The following CCDC14 variants were observed in gnomAD, a reference collection of about 807,000 sequenced individuals.
CCDC14 encodes the protein coiled-coil domain-containing protein 14.
A neutral mutation model predicts 81.4 loss-of-function variants in CCDC14; 71 were observed. The observed-to-expected ratio is 0.87, with a 90% CI of 0.72 to 1.06. The LOEUF is 1.06. Among genes scored for constraint, CCDC14 ranks in the 50% least tolerant of loss-of-function variants. The pLI is 0.00. For synonymous variants in CCDC14, 332 were observed against 364.8 expected, an observed-to-expected ratio of 0.91 and a Z score of 1.03; for missense variants, 1,046 against 1,047.3, an observed-to-expected ratio of 1.00 and a Z score of 0.02.
intron 5 of CCDC14, among the ~76,000 whole-genome samples, chr3:123,903,297 A>AAC (rs57466490): frequency 0.03 from 4,324 of 144,180 alleles, 109 homozygotes; most frequent in East Asian, 0.06. Flanking sequence ...TTATTTTTCA[A>AAC]ACACACACAC....
intron 12 of CCDC14, 153 bp downstream of exon 12, chr3:123,930,949 A>T: frequency 3.1e-6 from 2 of 655,174 alleles, no homozygotes; most frequent in Non-Finnish European, 4.9e-6. Context: ...ATTTAATTGG[A>T]ACAGAAGAAA....
Position 123,931,441 on chromosome 3 carries a change from A to AT in CCDC14, c.1511dup (p.Asn504LysfsTer2). ...TTTCAATCACTTTTAACAGCTCTTCATTTTTACTCTGCAGTAATTCCTGGC... is the reference window on the plus strand; with the variant it reads ...TTTCAATCACTTTTAACAGCTCTTCATTTTTTACTCTGCAGTAATTCCTGGC... On this transcript the variant is annotated frameshift_variant, in exon 11 of 13. Coordinates refer to ENST00000409697, the MANE Select transcript of CCDC14 (RefSeq NM_001366335.1). LOFTEE classifies it high-confidence loss of function. 1 of 1,570,404 alleles carries AT rather than the reference A, an allele frequency of 6.4e-7. No individual in the cohort carries two copies. Among genetic ancestry groups the AT allele is most frequent in the East Asian group, 2.3e-5 (1 of 43,410 alleles).
At chr3:123,956,145 T>C (rs1054021166) in intron 3 of CCDC14, 30 bp from the exon 4 acceptor site, 7 of 1,503,284 alleles carry the variant, frequency 4.7e-6, no homozygotes, top group Admixed American at 2.3e-5. Context: ...TTAGAATACA[T>C]TTGTATATGA....
downstream of CCDC14, among the ~76,000 whole-genome samples, chr3:123,895,609 T>C (rs554795884): frequency 3.9e-4 from 60 of 152,340 alleles, 1 homozygote; most frequent in South Asian, 0.012. Flanking sequence ...GGATGAAGCC[T>C]GGGGAATAAT....
intron 1 of CCDC14, 26 bp from the exon 2 acceptor site, chr3:123,956,821 TAAAC>T: frequency 2.9e-6 from 4 of 1,390,906 alleles, no homozygotes; most frequent in Non-Finnish European, 3.9e-6. Context: ...TTATAGCAGA[TAAAC>T]AAATATTTTT....
In CCDC14 at chr3:123,913,485, C is replaced by A; in HGVS notation, c.*1294G>T. On this transcript the variant is annotated 3_prime_UTR_variant, in exon 13 of 13. Coordinates refer to ENST00000409697, the MANE Select transcript of CCDC14 (RefSeq NM_001366335.1). Reference sequence around the variant, plus strand: ...TTTGTTAAAGAGTTGTGGCCTATTACCTCCAAATAAGATGCCAATAAATTA... The same window carrying A: ...TTTGTTAAAGAGTTGTGGCCTATTAACTCCAAATAAGATGCCAATAAATTA... 1.0e-6 allele frequency: 1 copy of A among 980,476 alleles called. No homozygotes were observed. The highest frequency in any genetic ancestry group is 1.8e-5 in the African/African-American group (1 of 57,112). The allele number at this position is 980,476 out of a possible 1,614,324, so 60.7% of individuals were successfully genotyped here. A position where few individuals can be genotyped will look rare whatever the true frequency, so the allele number is the denominator to read the frequency against.
chr3:123,910,987 G>A (rs1171586893), downstream of CCDC14, among the ~76,000 whole-genome samples: 1 of 152,128 alleles, frequency 6.6e-6, no homozygotes, highest in Non-Finnish European at 1.5e-5. Flanking sequence ...TATCTGCAAG[G>A]TACAGAAGTA....
Position 123,915,247 on chromosome 3 carries a change from G to C in CCDC14, c.2250C>G (p.Ser750=). 1.2e-6 allele frequency: 2 copies of C among 1,613,860 alleles called. No homozygotes were observed. The highest frequency in any genetic ancestry group is 8.5e-7 in the Non-Finnish European group (1 of 1,179,874). ...EKKSPLSKRL[S]PQPQIRAATT... ...TAGCTGCTCTTATTTGTGGCTGAGG[G>C]GATAGTCTCTTAGAAAGTGGTGATT... The change falls in exon 13 of 13, where the codon TCC becomes TCG. Residue 750 remains serine (S), a synonymous_variant. Transcript: ENST00000409697.
At chr3:123,933,305 C>A (rs1004136989) in intron 10 of CCDC14, among the ~76,000 whole-genome samples, 1 of 152,074 alleles carries the variant, frequency 6.6e-6, no homozygotes, top group Admixed American at 6.6e-5. Flanking sequence ...TTTTGATAGA[C>A]AAAAGTGTCC....
intron 2 of CCDC14, 105 bp downstream of exon 2, chr3:123,956,635 T>C: frequency 2.3e-6 from 2 of 879,684 alleles, no homozygotes; most frequent in Non-Finnish European, 3.5e-6. Flanking sequence ...GAGCTTGTGA[T>C]GGTAGAGGCC....
chr3:123,917,603 TG>T (rs1299372933), intron 12 of CCDC14, among the ~76,000 whole-genome samples: 1 of 151,744 alleles, frequency 6.6e-6, no homozygotes, highest in African/African-American at 2.4e-5. Context: ...CCAATAAGCA[TG>T]CTTTAAGAGT....
the CCDC14 span, among the ~76,000 whole-genome samples, chr3:123,891,162 G>A: frequency 3.2e-4 from 49 of 152,186 alleles, no homozygotes; most frequent in Admixed American, 5.2e-4. Context: ...AGGGATCCTG[G>A]GCCTGGTCCA....
chr3:123,956,780 T>C lies in CCDC14; in HGVS notation c.46A>G (p.Arg16Gly). Residue 16 changes from arginine to glycine, a missense_variant, in exon 2 of 13, where the codon AGG becomes GGG. Transcript: ENST00000409697. ...ARPGQVLSSG[R>G]HTGPAKLTNG... ...GTTAATTTAGCAGGTCCAGTGTGCC[T>C]TCCTGAAGATAACACCTATGACATA... 1.3e-6 allele frequency: 2 copies of C among 1,542,954 alleles called. No individual in the cohort carries two copies. The highest frequency in any genetic ancestry group is 1.8e-6 in the Non-Finnish European group (2 of 1,139,806).
downstream of CCDC14, among the ~76,000 whole-genome samples, chr3:123,911,415 CATTGGA>C (rs2148769747): frequency 6.6e-6 from 1 of 152,236 alleles, no homozygotes; most frequent in South Asian, 2.1e-4. Flanking sequence ...CTAGAACTAA[CATTGGA>C]AAAATGATTA....
the CCDC14 span, among the ~76,000 whole-genome samples, chr3:123,887,480 C>CAAAAAAA: frequency 6.9e-5 from 10 of 145,156 alleles, no homozygotes; most frequent in East Asian, 4.7e-4. Context: ...ACAACAACAA[C>CAAAAAAA]AAAAAAAAAA....
At chr3:123,916,416 T>C (rs1040504740) in intron 12 of CCDC14, among the ~76,000 whole-genome samples, 1 of 152,074 alleles carries the variant, frequency 6.6e-6, no homozygotes, top group African/African-American at 2.4e-5. Context: ...AAACACACTA[T>C]TCATTTGTTA....
chr3:123,901,642 A>G (rs1036932466), intron 5 of CCDC14, among the ~76,000 whole-genome samples: 6 of 152,230 alleles, frequency 3.9e-5, no homozygotes, highest in African/African-American at 1.4e-4. Flanking sequence ...ACCAAGAACT[A>G]TAAAATAAAA....
intron 12 of CCDC14, among the ~76,000 whole-genome samples, chr3:123,915,995 TC>T (rs1019031935): frequency 3.3e-5 from 3 of 90,744 alleles, no homozygotes; most frequent in Non-Finnish European, 7.2e-5. Flanking sequence ...GATGTTTTAC[TC>T]TTTTTTTTTT....
At chr3:123,950,064 C>A (rs1439438245) in intron 5 of CCDC14, among the ~76,000 whole-genome samples, 1 of 152,220 alleles carries the variant, frequency 6.6e-6, no homozygotes, top group African/African-American at 2.4e-5. Context: ...AAGTTTTCTA[C>A]ATAGCACTAC....
Sources: gnomAD v4.1 joint callset for allele counts (sites outside exome capture counted in the v4.1 genomes callset) on GRCh38, gnomAD v4.1.1 for gene constraint, MANE v1.5 for transcripts, NCBI Gene and HGNC (gene_info 2026-07-23, HGNC 2026-07-21) for gene names.